The following FAM117B variants were observed in gnomAD, a reference collection of about 807,000 sequenced individuals.
FAM117B encodes the protein family with sequence similarity 117 member B.
Under a neutral mutation model 52.8 loss-of-function variants are expected in FAM117B, and 22 were observed. The ratio of observed to expected loss-of-function variants is 0.42; its 90% confidence interval spans 0.30 to 0.59. FAM117B has a LOEUF of 0.59. FAM117B is among the 20% of genes least tolerant of loss of function. The probability of loss-of-function intolerance (pLI) is 0.22; values close to 1 mark genes in which losing one functional copy is unlikely to be tolerated. For synonymous variants in FAM117B, 309 were observed against 324.1 expected (o/e 0.95, Z 0.50); for missense variants, 678 against 802.6 (o/e 0.84, Z 1.88).
chr2:202,663,659 C>G (rs1440116711), intron 1 of FAM117B, among the ~76,000 whole-genome samples: 1 of 150,596 alleles, frequency 6.6e-6, no homozygotes, highest in Non-Finnish European at 1.5e-5. Context: ...TCTTGGCTCA[C>G]TGCAACCTCT....
At chr2:202,700,158 A>G (rs1346109898) in intron 2 of FAM117B, among the ~76,000 whole-genome samples, 1 of 152,174 alleles carries the variant, frequency 6.6e-6, no homozygotes, top group Non-Finnish European at 1.5e-5. Context: ...CTAAGGGTCA[A>G]GTGAGGTGAA....
chr2:202,653,862 G>C (rs981597436), intron 1 of FAM117B, among the ~76,000 whole-genome samples: 10 of 152,002 alleles, frequency 6.6e-5, no homozygotes, highest in African/African-American at 2.2e-4. Context: ...CTAATGAAAT[G>C]GTCTTCCAGG....
chr2:202,688,733 C>T (rs1442086034), intron 1 of FAM117B, among the ~76,000 whole-genome samples: 2 of 151,932 alleles, frequency 1.3e-5, no homozygotes, highest in African/African-American at 2.4e-5. Context: ...ATAAAATATA[C>T]AAGAATGGGT....
rs927432843 is a variant in FAM117B, at chr2:202,679,493, A to G, written c.602-16388A>G. Among the ~76,000 whole-genome samples the G allele has an allele frequency of 7.2e-5, 11 of 152,242 alleles. No individual in the cohort carries two copies. The East Asian group carries it at 2.1e-3, about 29-fold the overall frequency. On this transcript the variant is annotated intron_variant, in intron 1 of 7. Coordinates refer to ENST00000392238, the MANE Select transcript of FAM117B (RefSeq NM_173511.4). ...TAGAATGTGTGTACAGTGAAACTCC[A>G]TTAGGCTGGACAAGGAATGACTGAG...
intron 2 of FAM117B, among the ~76,000 whole-genome samples, chr2:202,715,611 C>T (rs1270753658): frequency 2.0e-5 from 3 of 151,604 alleles, no homozygotes; most frequent in Admixed American, 2.0e-4. Context: ...GGCAGCCAGG[C>T]AGAGGGGCTC....
intron 1 of FAM117B, among the ~76,000 whole-genome samples, chr2:202,646,116 T>C (rs1393808426): frequency 1.3e-5 from 2 of 151,118 alleles, no homozygotes; most frequent in African/African-American, 4.9e-5. Flanking sequence ...AGCCTTCGCC[T>C]CCCGGGTTCA....
At chr2:202,699,132 AAAG>A (rs1172157421) in intron 2 of FAM117B, among the ~76,000 whole-genome samples, 1 of 152,112 alleles carries the variant, frequency 6.6e-6, no homozygotes, top group African/African-American at 2.4e-5. Context: ...GTACAAATAA[AAAG>A]AAAATTTAGA....
intron 1 of FAM117B, among the ~76,000 whole-genome samples, chr2:202,676,670 G>A (rs886249962): frequency 6.6e-6 from 1 of 152,010 alleles, no homozygotes; most frequent in African/African-American, 2.4e-5. Context: ...GGGCCACCGC[G>A]CCTGGTCAGA....
rs567293257 is a variant in FAM117B at position 202,715,190 on chromosome 2, C to T, written c.754-9727C>T. Among the ~76,000 whole-genome samples, 701 of 148,360 alleles carry T rather than the reference C, an allele frequency of 4.7e-3. 4 individuals are homozygous for T. The highest frequency in any genetic ancestry group is 0.016 in the African/African-American group (654 of 40,042). On this transcript the variant is annotated intron_variant, in intron 2 of 7. Coordinates refer to ENST00000392238, the MANE Select transcript of FAM117B (RefSeq NM_173511.4). ...CCCCCCACCTCCCTCCCGGACGGGT[C>T]GGCTGGCCGGGCGGGGGCTGACCCC...
chr2:202,722,764 A>C (rs537490429), intron 2 of FAM117B, among the ~76,000 whole-genome samples: 2 of 151,810 alleles, frequency 1.3e-5, no homozygotes, highest in African/African-American at 2.4e-5. Flanking sequence ...TGTACAACAA[A>C]CCCCCATGAC....
chr2:202,648,814 T>C (rs751380035), intron 1 of FAM117B, among the ~76,000 whole-genome samples: 10 of 151,938 alleles, frequency 6.6e-5, no homozygotes, highest in Non-Finnish European at 1.5e-4. Context: ...CAGGCTGGAG[T>C]GCAGTTGGGT....
intron 3 of FAM117B, 45 bp downstream of exon 3, chr2:202,725,054 T>C: frequency 6.9e-7 from 1 of 1,450,628 alleles, no homozygotes; most frequent in South Asian, 1.2e-5. Flanking sequence ...AATATGATCC[T>C]TTTGTTGGCT....
In FAM117B at chr2:202,707,895, G is replaced by T. The variant is rs1690898252; in HGVS notation, c.753+11863G>T. ...GCAATCTCCTGCCTCAGCCTCCCGA[G>T]TAGCTGAGATTACAGGAGTGTGCCA... On this transcript the variant is annotated intron_variant, in intron 2 of 7. Transcript: ENST00000392238. 2.0e-5 allele frequency among the ~76,000 whole-genome samples: 3 copies of T among 151,804 alleles called. No individual in the cohort carries two copies. In the South Asian group the frequency reaches 6.3e-4, roughly 32 times the overall value.
chr2:202,759,251 C>G lies in FAM117B; in HGVS notation c.1349C>G (p.Pro450Arg). ...CTTGCAGAGAATGGGAACAATTCTC[C>G]TTTGCCCAAATATGCAACCTCACCA... ...PRDKENGNNSPLPKYATSPKP... is the reference protein window; with the variant it reads ...PRDKENGNNSRLPKYATSPKP... The change falls in exon 7 of 8, where the codon CCT becomes CGT. Residue 450 changes from proline (P) to arginine (R), a missense_variant. Pro to Arg is a moderately radical substitution (Grantham distance 103, BLOSUM62 -2). This residue lies in a region of FAM117B where 583 missense variants were observed against 644.8 expected (regional missense o/e 0.90). Transcript: ENST00000392238. The G allele has an allele frequency of 6.2e-7, 1 of 1,614,122 alleles. No individual in the cohort carries two copies. Among genetic ancestry groups the G allele is most frequent in the Non-Finnish European group, 8.5e-7 (1 of 1,180,002 alleles).
intron 2 of FAM117B, among the ~76,000 whole-genome samples, chr2:202,722,342 T>A (rs965881334): frequency 1.2e-4 from 19 of 152,282 alleles, no homozygotes; most frequent in African/African-American, 4.1e-4. Flanking sequence ...TAAACATGTT[T>A]GTTTAACACC....
chr2:202,758,287 A>T (rs1691833683), intron 6 of FAM117B, among the ~76,000 whole-genome samples: 1 of 152,168 alleles, frequency 6.6e-6, no homozygotes, highest in Non-Finnish European at 1.5e-5. Flanking sequence ...GTTACTTTAA[A>T]CTGTGGGAAG....
intron 2 of FAM117B, among the ~76,000 whole-genome samples, chr2:202,707,726 C>T (rs1201619414): frequency 6.6e-6 from 1 of 151,784 alleles, no homozygotes; most frequent in East Asian, 1.9e-4. Flanking sequence ...TCAGTCAGTC[C>T]ATCAATCAAT....
intron 1 of FAM117B, among the ~76,000 whole-genome samples, chr2:202,655,707 T>TGAGAGAGAGA (rs60423652): frequency 4.1e-4 from 41 of 98,874 alleles, no homozygotes; most frequent in African/African-American, 1.0e-3. Flanking sequence ...GGGAAGAGAG[T>TGAGAGAGAGA]GAGAGAGAGA....
intron 1 of FAM117B, among the ~76,000 whole-genome samples, chr2:202,681,317 A>G (rs1325185857): frequency 2.6e-5 from 4 of 152,232 alleles, no homozygotes; most frequent in African/African-American, 9.6e-5. Flanking sequence ...TGACCATATA[A>G]TATTAAATAC....
Sources: allele counts gnomAD v4.1 joint callset (sites outside exome capture counted in the v4.1 genomes callset), GRCh38; gene constraint gnomAD v4.1.1; regional missense constraint gnomAD v4.1.1; transcripts MANE v1.5; gene names NCBI Gene and HGNC (gene_info 2026-07-23, HGNC 2026-07-21).